Variants in TAS2R1 observed in about 807,000 individuals in gnomAD.
TAS2R1 encodes taste receptor type 2 member 1.
For missense variants in TAS2R1, 370 were observed against 353.4 expected, an observed-to-expected ratio of 1.05 and a Z score of -0.38; for synonymous variants, 141 against 134.2, an observed-to-expected ratio of 1.05 and a Z score of -0.35.
At chr5:9,655,874 ATTTG>A (rs1251658626) in intron 2 of TAS2R1, among the ~76,000 whole-genome samples, 10 of 138,904 alleles carry the variant, frequency 7.2e-5, no homozygotes. Context: ...TTTTTTTTTA[ATTTG>A]TTTGTTTTTC....
chr5:9,832,261 G>A, the TAS2R1 span, among the ~76,000 whole-genome samples: 2 of 152,106 alleles, frequency 1.3e-5, no homozygotes, highest in South Asian at 2.1e-4. Context: ...CCAGATGTCC[G>A]CATGCCCTCC....
At chr5:9,800,462 G>C in the TAS2R1 span, among the ~76,000 whole-genome samples, 1 of 152,156 alleles carries the variant, frequency 6.6e-6, no homozygotes, top group Admixed American at 6.5e-5. Context: ...ATGGGAGGTG[G>C]TGAAATACAC....
intron 1 of TAS2R1, among the ~76,000 whole-genome samples, chr5:9,691,664 T>G (rs1329518477): frequency 6.6e-6 from 1 of 152,198 alleles, no homozygotes; most frequent in Non-Finnish European, 1.5e-5. Flanking sequence ...TCTTCTAAAA[T>G]GGCCAGGCTG....
chr5:9,646,048 C>A (rs2126484599), intron 2 of TAS2R1, among the ~76,000 whole-genome samples: 1 of 152,160 alleles, frequency 6.6e-6, no homozygotes, highest in East Asian at 1.9e-4. Context: ...GTAACTGGAA[C>A]CAGACAAATT....
At chr5:9,733,476 CA>C in the TAS2R1 span, among the ~76,000 whole-genome samples, 2 of 152,146 alleles carry the variant, frequency 1.3e-5, no homozygotes, top group Non-Finnish European at 1.5e-5. Context: ...TAGTCAAAGT[CA>C]AAATGGTTAA....
the TAS2R1 span, among the ~76,000 whole-genome samples, chr5:9,811,417 C>T: frequency 1.3e-5 from 2 of 152,156 alleles, no homozygotes; most frequent in African/African-American, 4.8e-5. Flanking sequence ...AGAGTGAGGT[C>T]TGTTCATGAA....
At chr5:9,848,892 T>C in the TAS2R1 span, among the ~76,000 whole-genome samples, 8,849 of 152,266 alleles carry the variant, frequency 0.058, 605 homozygotes, top group East Asian at 0.23. Flanking sequence ...GTTTTTTAAG[T>C]CTGTTTCCAT....
chr5:9,662,577 G>T (rs948589180), intron 1 of TAS2R1, among the ~76,000 whole-genome samples: 1 of 152,184 alleles, frequency 6.6e-6, no homozygotes, highest in African/African-American at 2.4e-5. Context: ...GTGCCTGAAA[G>T]AGGAGAGCTC....
chr5:9,759,862 C>T, the TAS2R1 span, among the ~76,000 whole-genome samples: 6 of 151,538 alleles, frequency 4.0e-5, no homozygotes, highest in African/African-American at 1.5e-4. Flanking sequence ...ATTCCTCTTG[C>T]TTTTCCCTTT....
chr5:9,839,280 A>G, the TAS2R1 span, among the ~76,000 whole-genome samples: 4 of 152,104 alleles, frequency 2.6e-5, no homozygotes, highest in Non-Finnish European at 4.4e-5. Flanking sequence ...GGCTGATGGA[A>G]CTCTCAGGTT....
chr5:9,863,798 T>C, the TAS2R1 span, among the ~76,000 whole-genome samples: 1 of 152,202 alleles, frequency 6.6e-6, no homozygotes, highest in Non-Finnish European at 1.5e-5. Context: ...ATTTGGATAG[T>C]GGTGTTGGGA....
chr5:9,851,780 C>T, the TAS2R1 span, among the ~76,000 whole-genome samples: 4 of 152,268 alleles, frequency 2.6e-5, no homozygotes, highest in Middle Eastern at 3.4e-3. Flanking sequence ...TATAAATACC[C>T]ATACAGGGCT....
At chr5:9,703,691 T>A (rs1261618390) in intron 1 of TAS2R1, among the ~76,000 whole-genome samples, 2 of 151,682 alleles carry the variant, frequency 1.3e-5, no homozygotes, top group Non-Finnish European at 2.9e-5. Context: ...AAGAACAAAG[T>A]CTTGGGGAAC....
the TAS2R1 span, among the ~76,000 whole-genome samples, chr5:9,809,448 TG>T: frequency 3.9e-4 from 59 of 152,220 alleles, no homozygotes; most frequent in African/African-American, 1.4e-3. Context: ...CCCTCCATTA[TG>T]GGATTAGTGT....
chr5:9,679,805 TG>T (rs1385194686), intron 1 of TAS2R1, among the ~76,000 whole-genome samples: 3 of 152,212 alleles, frequency 2.0e-5, no homozygotes, highest in African/African-American at 7.2e-5. Flanking sequence ...TATAGATACA[TG>T]TATATATGAA....
chr5:9,627,824 T>A lies in TAS2R1; in HGVS notation c.*1309A>T, dbSNP rs1739783268. 6.6e-6 allele frequency among the ~76,000 whole-genome samples: 1 copy of A among 152,176 alleles called. No homozygotes were observed. Among genetic ancestry groups the A allele is most frequent in the South Asian group, 2.1e-4 (1 of 4,830 alleles). ...AATGAAGTGTGAAACCTGTGGGAAG[T>A]TGAGAGTACACTCAGAGCTTAGTTC... On this transcript the variant is annotated 3_prime_UTR_variant, in exon 1 of 1. Coordinates refer to ENST00000382492, the MANE Select transcript of TAS2R1 (RefSeq NM_019599.3).
the TAS2R1 span, among the ~76,000 whole-genome samples, chr5:9,871,941 G>A: frequency 6.6e-6 from 1 of 151,796 alleles, no homozygotes; most frequent in Non-Finnish European, 1.5e-5. Flanking sequence ...ATATGCCCAG[G>A]GCAGAAAAAG....
chr5:9,671,193 T>A (rs1740746724), intron 1 of TAS2R1, among the ~76,000 whole-genome samples: 1 of 152,166 alleles, frequency 6.6e-6, no homozygotes, highest in Non-Finnish European at 1.5e-5. Context: ...TTGTACTGAA[T>A]GGGCAAAAGC....
the TAS2R1 span, among the ~76,000 whole-genome samples, chr5:9,754,182 A>G: frequency 6.6e-6 from 1 of 152,348 alleles, no homozygotes; most frequent in East Asian, 1.9e-4. Context: ...ATAGATGCAG[A>G]AAAGGCCTTT....
Sources: gnomAD v4.1 joint callset for allele counts (sites outside exome capture counted in the v4.1 genomes callset) on GRCh38, gnomAD v4.1.1 for gene constraint, MANE v1.5 for transcripts, NCBI Gene and HGNC (gene_info 2026-07-23, HGNC 2026-07-21) for gene names.